The following KIF25 variants were observed in gnomAD, a reference collection of about 807,000 sequenced individuals.
KIF25 encodes kinesin family member 25, also known as kinesin-like protein KIF25.
In KIF25, 19 loss-of-function variants were observed where a neutral mutation model predicts 32.9. The observed-to-expected ratio is 0.58, with a 90% confidence interval of 0.40 to 0.85. The LOEUF is 0.85. Ranked by LOEUF, KIF25 falls within the 40% of genes least tolerant of loss-of-function variation. The pLI, the probability that KIF25 is intolerant of heterozygous loss-of-function variation, is 0.00. For synonymous variants in KIF25, 225 were observed against 213.7 expected (o/e 1.05, Z -0.46); for missense variants, 485 against 507.0 (o/e 0.96, Z 0.42).
chr6:168,040,336 C>A (rs139065329), intron 10 of KIF25, 120 bp downstream of exon 10: 4 of 995,232 alleles, frequency 4.0e-6, no homozygotes, highest in Non-Finnish European at 4.2e-6. Flanking sequence ...GAGACTGAGG[C>A]GGGTGGATCA....
intron 8 of KIF25, 73 bp downstream of exon 8, chr6:168,034,104 C>T (rs559149179): frequency 6.6e-6 from 10 of 1,517,876 alleles, no homozygotes; most frequent in Admixed American, 3.5e-5. Context: ...TTGGTTATCA[C>T]GTGGGAAAAA....
intron 5 of KIF25, among the ~76,000 whole-genome samples, chr6:168,024,533 C>G (rs1798833310): frequency 6.8e-6 from 1 of 146,344 alleles, no homozygotes; most frequent in Admixed American, 7.0e-5. Context: ...GGAGTTTATA[C>G]CCTAGTTGAG....
chr6:168,021,975 G>A (rs1003468295), intron 5 of KIF25, among the ~76,000 whole-genome samples: 2 of 152,224 alleles, frequency 1.3e-5, no homozygotes, highest in Middle Eastern at 3.4e-3. Flanking sequence ...TGTTTCACTC[G>A]GCAGTTGCTG....
intron 6 of KIF25, among the ~76,000 whole-genome samples, chr6:168,029,880 G>A (rs1020309734): frequency 9.2e-5 from 14 of 152,074 alleles, no homozygotes; most frequent in Non-Finnish European, 1.9e-4. Flanking sequence ...CCTCATAAGG[G>A]TCCCCTCCCC....
chr6:168,016,010 C>T (rs140608034), intron 4 of KIF25, among the ~76,000 whole-genome samples: 4 of 152,206 alleles, frequency 2.6e-5, no homozygotes, highest in East Asian at 3.9e-4. Context: ...TGTTCCTGTA[C>T]GGTTCATACT....
intron 5 of KIF25, among the ~76,000 whole-genome samples, chr6:168,020,265 G>T (rs1407841788): frequency 6.6e-6 from 1 of 152,122 alleles, no homozygotes; most frequent in East Asian, 1.9e-4. Flanking sequence ...CAAATCAAAA[G>T]ATACAGGACC....
intron 4 of KIF25, among the ~76,000 whole-genome samples, chr6:168,012,214 G>A (rs1183200685): frequency 6.6e-6 from 1 of 152,112 alleles, no homozygotes; most frequent in East Asian, 1.9e-4. Context: ...TGTTACTAGA[G>A]GATTATTACT....
chr6:168,030,218 TCC>T (rs1798921329), intron 6 of KIF25, among the ~76,000 whole-genome samples: 1 of 152,152 alleles, frequency 6.6e-6, no homozygotes, highest in Non-Finnish European at 1.5e-5. Flanking sequence ...GGACATCCAG[TCC>T]CATGATATCA....
intron 4 of KIF25, among the ~76,000 whole-genome samples, chr6:168,011,177 C>T (rs1242844472): frequency 1.3e-5 from 2 of 152,100 alleles, no homozygotes; most frequent in African/African-American, 4.8e-5. Context: ...ATTGTTTTGT[C>T]TATCCTTTGC....
intron 4 of KIF25, among the ~76,000 whole-genome samples, chr6:168,007,434 C>G (rs1186451589): frequency 6.6e-6 from 1 of 152,000 alleles, no homozygotes; most frequent in Non-Finnish European, 1.5e-5. Context: ...AAAACAAACA[C>G]AAAACCATAC....
At chr6:168,010,598 G>C (rs796399354) in intron 4 of KIF25, among the ~76,000 whole-genome samples, 57 of 152,274 alleles carry the variant, frequency 3.7e-4, no homozygotes, top group African/African-American at 1.3e-3. Flanking sequence ...GTATTCTGTA[G>C]CTGTTGAGTG....
chr6:168,004,940 A>T (rs933847081), intron 4 of KIF25, among the ~76,000 whole-genome samples: 2 of 152,196 alleles, frequency 1.3e-5, no homozygotes, highest in African/African-American at 4.8e-5. Context: ...TAAAGGAGAG[A>T]AAACCATCTG....
At chr6:168,015,579 A>T (rs1324736076) in intron 4 of KIF25, among the ~76,000 whole-genome samples, 1 of 152,216 alleles carries the variant, frequency 6.6e-6, no homozygotes, top group East Asian at 1.9e-4. Flanking sequence ...AAGTGGCTCC[A>T]GATGGGCAGT....
chr6:168,038,510 CTG>C (rs1562391487), intron 8 of KIF25, 41 bp from the exon 9 acceptor site: 5 of 1,601,782 alleles, frequency 3.1e-6, no homozygotes, highest in Non-Finnish European at 4.3e-6. Context: ...GAAAATCACT[CTG>C]TGAGACTTTC....
intron 8 of KIF25, chr6:168,035,677 T>C: frequency 4.4e-6 from 2 of 455,430 alleles, no homozygotes; most frequent in Non-Finnish European, 8.8e-6. Flanking sequence ...TTCAGTCGCC[T>C]CGTTTCTAAA....
Position 168,036,430 on chromosome 6 carries a change from A to T in KIF25, c.318-2123A>T, listed in dbSNP as rs191536779. Among the ~76,000 whole-genome samples, 86 of 152,368 alleles carry T rather than the reference A, an allele frequency of 5.6e-4. 1 individual carries two copies. The East Asian group carries it at 0.014, about 25-fold the overall frequency. ...CCGCCCCTCCCCGCCCCAGAGAGTC[A>T]GGGGAGCTGCGTGCATTGGAATCAC... On this transcript the variant is annotated intron_variant, in intron 8 of 12. Transcript: ENST00000643607.
chr6:168,002,849 C>A (rs1368114821), intron 3 of KIF25, among the ~76,000 whole-genome samples, 190 bp downstream of exon 3: 1 of 152,184 alleles, frequency 6.6e-6, no homozygotes, highest in African/African-American at 2.4e-5. Flanking sequence ...TCCTATCTAG[C>A]AGTGATGGAG....
At chr6:168,026,807 G>T (rs982749698) in intron 5 of KIF25, among the ~76,000 whole-genome samples, 11 of 152,210 alleles carry the variant, frequency 7.2e-5, no homozygotes, top group Admixed American at 3.9e-4. Flanking sequence ...GTTTTGAGAA[G>T]AATTCATTTA....
intron 9 of KIF25, 58 bp from the exon 10 acceptor site, chr6:168,040,007 C>T (rs567740887): frequency 1.5e-4 from 227 of 1,542,270 alleles, no homozygotes; most frequent in Admixed American, 8.6e-4. Flanking sequence ...TCTTGGAAGT[C>T]GCCTTAGGTA....
Sources: gnomAD v4.1 joint callset for allele counts (sites outside exome capture counted in the v4.1 genomes callset) on GRCh38, gnomAD v4.1.1 for gene constraint, MANE v1.5 for transcripts, NCBI Gene and HGNC (gene_info 2026-07-23, HGNC 2026-07-21) for gene names.